ROBO2: variants seen among roughly 807,000 people sequenced by gnomAD.
ROBO2 encodes roundabout homolog 2.
A neutral mutation model predicts 160.8 loss-of-function variants in ROBO2; 53 were observed. The observed-to-expected ratio is 0.33, with a 90% CI of 0.26 to 0.41. ROBO2 has a LOEUF of 0.41. Ranked by LOEUF, ROBO2 falls within the 10% of genes least tolerant of loss-of-function variation. The pLI, the probability that ROBO2 is intolerant of heterozygous loss-of-function variation, is 1.00. For synonymous variants in ROBO2, 664 were observed against 611.7 expected (o/e 1.09, Z -1.26); for missense variants, 1,577 against 1,722.4 (o/e 0.92, Z 1.49).
At chr3:77,201,671 C>A (rs2082924546) in intron 2 of ROBO2, among the ~76,000 whole-genome samples, 1 of 152,044 alleles carries the variant, frequency 6.6e-6, no homozygotes, top group African/African-American at 2.4e-5. Context: ...GCATTTATTT[C>A]TGTGTGTCTT....
chr3:76,580,339 TG>T lies in ROBO2; in HGVS notation c.110-517674del, dbSNP rs372701650. 3.3e-3 allele frequency among the ~76,000 whole-genome samples: 368 copies of T among 112,476 alleles called. 6 individuals carry two copies. The highest frequency in any genetic ancestry group is 5.6e-3 in the East Asian group (20 of 3,556). The allele number at this position is 112,476 out of a possible 152,430, so 73.8% of individuals were successfully genotyped here. ...CCTGTTTTTTTTTTGTTTTTTTTTT[TG>T]TGTTTTTTTTTTTGTTTTTTTTTTT... On this transcript the variant is annotated intron_variant, in intron 2 of 26. Transcript: ENST00000487694.
chr3:76,749,264 A>T (rs992416791), intron 2 of ROBO2, among the ~76,000 whole-genome samples: 7 of 151,874 alleles, frequency 4.6e-5, no homozygotes, highest in African/African-American at 1.7e-4. Context: ...AAAAAAATAG[A>T]ATTTTTTTTT....
chr3:76,978,363 T>G (rs893434067), intron 2 of ROBO2, among the ~76,000 whole-genome samples: 2 of 152,310 alleles, frequency 1.3e-5, no homozygotes, highest in African/African-American at 4.8e-5. Context: ...CACTTTTTTC[T>G]GTATTTTCCT....
chr3:76,934,302 GTGA>G (rs2077544024), intron 2 of ROBO2, among the ~76,000 whole-genome samples: 1 of 151,964 alleles, frequency 6.6e-6, no homozygotes, highest in Non-Finnish European at 1.5e-5. Flanking sequence ...CTTTCAAAAC[GTGA>G]TGATTCTCCC....
At chr3:76,967,795 T>G (rs969780784) in intron 2 of ROBO2, among the ~76,000 whole-genome samples, 2 of 152,112 alleles carry the variant, frequency 1.3e-5, no homozygotes, top group African/African-American at 2.4e-5. Context: ...TTCGCCTGCC[T>G]CAGCAACCGA....
chr3:77,430,413 C>A (rs1485529920), intron 2 of ROBO2, among the ~76,000 whole-genome samples: 1 of 151,956 alleles, frequency 6.6e-6, no homozygotes, highest in Non-Finnish European at 1.5e-5. Context: ...TGTTTAACAA[C>A]CAGCTCTCCA....
intron 16 of ROBO2, among the ~76,000 whole-genome samples, chr3:77,583,250 G>A (rs2093966066): frequency 6.6e-5 from 10 of 151,502 alleles, no homozygotes; most frequent in Admixed American, 6.6e-4. Flanking sequence ...GTTCAGCAAT[G>A]TTTGGGTTAG....
At chr3:75,958,101 C>T (rs1303983883) in intron 2 of ROBO2, among the ~76,000 whole-genome samples, 1 of 151,712 alleles carries the variant, frequency 6.6e-6, no homozygotes, top group Non-Finnish European at 1.5e-5. Context: ...GAAAAAGTGA[C>T]ACTATCTTTC....
chr3:76,749,157 A>C (rs2093939419), intron 2 of ROBO2, among the ~76,000 whole-genome samples: 2 of 151,858 alleles, frequency 1.3e-5, no homozygotes, highest in Non-Finnish European at 2.9e-5. Context: ...TATGTTAATA[A>C]ATATAATCTT....
intron 2 of ROBO2, among the ~76,000 whole-genome samples, chr3:76,008,722 T>G (rs598297): frequency 0.74 from 112,370 of 151,762 alleles, 43,711 homozygotes; most frequent in East Asian, 0.97. Context: ...CCTTGTTAGT[T>G]TAGGGTAGAA....
In ROBO2 at chr3:77,291,075, C is replaced by T. The variant is rs570981384; in HGVS notation, c.389-186339C>T. On this transcript the variant is annotated intron_variant, in intron 2 of 25. Transcript: ENST00000461745. The stretch of plus-strand genomic sequence containing the variant: ...TAAGCTGAGGCTAGATCACCCCAGA[C>T]GTAAAGTAAAATTGACGGGTAAACG... Among the ~76,000 whole-genome samples the T allele has an allele frequency of 1.9e-4, 29 of 149,682 alleles. 1 individual carries two copies. The South Asian group carries it at 3.2e-3, about 16-fold the overall frequency.
At chr3:76,331,871 A>T in intron 2 of ROBO2, among the ~76,000 whole-genome samples, 1 of 151,724 alleles carries the variant, frequency 6.6e-6, no homozygotes, top group Middle Eastern at 3.2e-3. Context: ...TTTAGTAGAG[A>T]CGGAGTTTCA....
At chr3:76,207,431 AT>A (rs1166212933) in intron 2 of ROBO2, among the ~76,000 whole-genome samples, 7 of 152,138 alleles carry the variant, frequency 4.6e-5, no homozygotes, top group Non-Finnish European at 1.0e-4. Context: ...TAATTTTAGT[AT>A]TTTCTCTAGT....
intron 9 of ROBO2, 72 bp downstream of exon 10, chr3:77,558,221 T>C: frequency 7.9e-7 from 1 of 1,266,364 alleles, no homozygotes; most frequent in African/African-American, 1.5e-5. Flanking sequence ...AATTGCATAG[T>C]GAACTTAAAA....
intron 2 of ROBO2, among the ~76,000 whole-genome samples, chr3:76,521,963 G>T (rs2081643842): frequency 1.3e-5 from 2 of 152,088 alleles, no homozygotes; most frequent in African/African-American, 4.8e-5. Flanking sequence ...GAAGTTAGCT[G>T]TTTGAGTGAT....
chr3:77,212,624 T>G (rs575045829), intron 2 of ROBO2, among the ~76,000 whole-genome samples: 2 of 151,906 alleles, frequency 1.3e-5, no homozygotes, highest in Non-Finnish European at 2.9e-5. Flanking sequence ...TGAATAGGAG[T>G]GGTGAGAGAG....
At chr3:76,758,061 A>C (rs1045332450) in intron 2 of ROBO2, among the ~76,000 whole-genome samples, 1 of 151,814 alleles carries the variant, frequency 6.6e-6, no homozygotes, top group Non-Finnish European at 1.5e-5. Context: ...CAAAAGATAT[A>C]CTCTAATATT....
At chr3:76,964,333 T>G (rs750444214) in intron 2 of ROBO2, among the ~76,000 whole-genome samples, 1 of 151,844 alleles carries the variant, frequency 6.6e-6, no homozygotes, top group Admixed American at 6.6e-5. Context: ...CTTTTGTTTT[T>G]GTTTTGTTTT....
intron 2 of ROBO2, among the ~76,000 whole-genome samples, chr3:76,449,536 A>G (rs1027930970): frequency 9.2e-5 from 14 of 152,140 alleles, no homozygotes; most frequent in African/African-American, 3.4e-4. Flanking sequence ...ACTCGATTTA[A>G]CTGGAGTTTG....
Sources: allele counts gnomAD v4.1 joint callset (sites outside exome capture counted in the v4.1 genomes callset), GRCh38; gene constraint gnomAD v4.1.1; transcripts MANE v1.5; gene names NCBI Gene and HGNC (gene_info 2026-07-23, HGNC 2026-07-21).